Variants in DENND1A observed in about 807,000 individuals in gnomAD.
DENND1A encodes the protein DENN domain containing 1A.
In DENND1A, 51 loss-of-function variants were observed where a neutral mutation model predicts 113.7. That is an observed-to-expected ratio of 0.45 (90% CI 0.36 to 0.57). DENND1A has a LOEUF of 0.57. Among genes scored for constraint, DENND1A ranks in the 20% least tolerant of loss-of-function variants. The probability of loss-of-function intolerance (pLI) is 0.00; values close to 1 mark genes in which losing one functional copy is unlikely to be tolerated. For synonymous variants in DENND1A, 565 were observed against 570.8 expected (o/e 0.99, Z 0.14); for missense variants, 1,258 against 1,395.9 (o/e 0.90, Z 1.57).
chr9:123,890,022 C>T (rs1212688796), intron 1 of DENND1A, among the ~76,000 whole-genome samples: 1 of 152,054 alleles, frequency 6.6e-6, no homozygotes, highest in Non-Finnish European at 1.5e-5. Flanking sequence ...CAACTTATGC[C>T]CCTCAGTCAG....
At chr9:123,854,835 A>T (rs1843916800) in intron 2 of DENND1A, among the ~76,000 whole-genome samples, 1 of 151,202 alleles carries the variant, frequency 6.6e-6, no homozygotes, top group Admixed American at 6.6e-5. Flanking sequence ...TCTTCATCTT[A>T]TCAGCTACCG....
intron 19 of DENND1A, among the ~76,000 whole-genome samples, chr9:123,423,136 C>T (rs1048551445): frequency 5.9e-5 from 9 of 152,192 alleles, no homozygotes; most frequent in South Asian, 2.1e-4. Context: ...ATGCTAGAGC[C>T]GGATGCCCGG....
intron 8 of DENND1A, among the ~76,000 whole-genome samples, chr9:123,658,445 C>T (rs906017672): frequency 3.3e-5 from 5 of 152,126 alleles, no homozygotes; most frequent in African/African-American, 1.2e-4. Flanking sequence ...ATAAAATTCA[C>T]TCCTACATGT....
At chr9:123,453,250 A>C (rs1012486192) in intron 16 of DENND1A, among the ~76,000 whole-genome samples, 9 of 152,174 alleles carry the variant, frequency 5.9e-5, no homozygotes, top group African/African-American at 2.2e-4. Context: ...TGACGGCTGT[A>C]ATGGCTGTGT....
At chr9:123,539,236 C>T (rs944430045) in intron 13 of DENND1A, among the ~76,000 whole-genome samples, 1 of 151,994 alleles carries the variant, frequency 6.6e-6, no homozygotes, top group African/African-American at 2.4e-5. Context: ...TCTGGATCAA[C>T]TGTCAATTAG....
rs886450625 is a variant in DENND1A at position 123,795,175 on chromosome 9, G to A, written c.89-2545C>T. On this transcript the variant is annotated intron_variant, in intron 2 of 23. Coordinates refer to ENST00000394215, the MANE Select transcript of DENND1A (RefSeq NM_001352964.2). ...AATACATTTTTAAAAAGAAAGAAAA[G>A]CAATGCTTTTTAAAACCAAGTCAAC... is the stretch of plus-strand genomic sequence containing the variant. Among the ~76,000 whole-genome samples the A allele has an allele frequency of 2.6e-5, 4 of 152,114 alleles. No homozygotes were observed. In the South Asian group the frequency reaches 6.2e-4, roughly 24 times the overall value.
chr9:123,526,169 G>A lies in DENND1A; in HGVS notation c.993+31401C>T, dbSNP rs541686038. 4.4e-5 allele frequency among the ~76,000 whole-genome samples: 4 copies of A among 90,792 alleles called. No homozygotes were observed. In the East Asian group the frequency reaches 1.9e-3, roughly 44 times the overall value. 59.6% of individuals were successfully genotyped at this position (90,792 alleles called of 152,430 possible). ...CACACACATGCACACACCTGCACAT[G>A]TGCACACACACACACACATATGCGT... On this transcript the variant is annotated intron_variant, in intron 13 of 23. Transcript: ENST00000394215.
intron 13 of DENND1A, among the ~76,000 whole-genome samples, chr9:123,556,359 T>C (rs1164024058): frequency 6.6e-6 from 1 of 152,108 alleles, no homozygotes; most frequent in Non-Finnish European, 1.5e-5. Context: ...TCCTGGGTGA[T>C]GGGGAAACAA....
chr9:123,850,958 A>G (rs1843253685), intron 2 of DENND1A, among the ~76,000 whole-genome samples: 1 of 152,250 alleles, frequency 6.6e-6, no homozygotes. Context: ...AAGCATTTCC[A>G]GTAAAAAATA....
In DENND1A at chr9:123,893,902, T is replaced by C. The variant is rs943600560; in HGVS notation, c.18-14881A>G. ...CAGTGCTTGGCAAGTAGTAGGCACT[T>C]AAGAGATATTTGCTGAATGAATGGA... is the stretch of plus-strand genomic sequence containing the variant. On this transcript the variant is annotated intron_variant, in intron 1 of 23. Coordinates refer to ENST00000394215, the MANE Select transcript of DENND1A (RefSeq NM_001352964.2). Among the ~76,000 whole-genome samples, 4 of 152,152 alleles carry C rather than the reference T, an allele frequency of 2.6e-5. No homozygotes were observed. The South Asian group carries it at 6.2e-4, about 24-fold the overall frequency.
chr9:123,488,702 CT>C (rs2051099478), intron 13 of DENND1A, among the ~76,000 whole-genome samples: 2 of 152,202 alleles, frequency 1.3e-5, no homozygotes, highest in Non-Finnish European at 2.9e-5. Flanking sequence ...ATGTAGTTCT[CT>C]TAAGGAGACA....
chr9:123,389,574 T>A (rs940749024), intron 21 of DENND1A, among the ~76,000 whole-genome samples: 11 of 152,226 alleles, frequency 7.2e-5, no homozygotes, highest in Non-Finnish European at 1.3e-4. Context: ...CTACCCTCCA[T>A]ACAGCCACCA....
chr9:123,929,662 T>C (rs1857675513), intron 1 of DENND1A, among the ~76,000 whole-genome samples: 1 of 151,688 alleles, frequency 6.6e-6, no homozygotes, highest in Non-Finnish European at 1.5e-5. Context: ...GACCCCCAGG[T>C]GAGGAGGGGA....
chr9:123,794,865 A>T (rs1833532318), intron 2 of DENND1A, among the ~76,000 whole-genome samples: 1 of 152,228 alleles, frequency 6.6e-6, no homozygotes, highest in African/African-American at 2.4e-5. Flanking sequence ...CACATTGAAG[A>T]TAAAGATGAC....
chr9:123,489,171 A>G (rs2051149183), intron 13 of DENND1A, among the ~76,000 whole-genome samples: 1 of 152,196 alleles, frequency 6.6e-6, no homozygotes, highest in South Asian at 2.1e-4. Flanking sequence ...GGAGGGGACT[A>G]TGTTTGAGAC....
chr9:123,692,358 T>A (rs556683047), intron 5 of DENND1A, among the ~76,000 whole-genome samples: 1 of 152,372 alleles, frequency 6.6e-6, no homozygotes, highest in South Asian at 2.1e-4. Flanking sequence ...TTCCAATTAC[T>A]TTTAAGATTG....
intron 13 of DENND1A, among the ~76,000 whole-genome samples, chr9:123,546,622 T>C (rs1157518927): frequency 2.0e-5 from 3 of 152,300 alleles, no homozygotes; most frequent in Non-Finnish European, 4.4e-5. Flanking sequence ...CTTTCTGATG[T>C]ATAGCATGGG....
chr9:123,628,081 G>A (rs1312218532), intron 10 of DENND1A, among the ~76,000 whole-genome samples: 3 of 151,964 alleles, frequency 2.0e-5, no homozygotes, highest in Admixed American at 6.6e-5. Context: ...GGACTCAGGC[G>A]TCCTCCTCTT....
chr9:123,528,478 G>C (rs1262245279), intron 13 of DENND1A, among the ~76,000 whole-genome samples: 1 of 152,144 alleles, frequency 6.6e-6, no homozygotes, highest in East Asian at 1.9e-4. Context: ...TAGAATTTTA[G>C]AAGTTATCCT....
Sources: gnomAD v4.1 joint callset for allele counts (sites outside exome capture counted in the v4.1 genomes callset) on GRCh38, gnomAD v4.1.1 for gene constraint, MANE v1.5 for transcripts, NCBI Gene and HGNC (gene_info 2026-07-23, HGNC 2026-07-21) for gene names.